IFT43: variants seen among roughly 807,000 people sequenced by gnomAD.
IFT43 encodes the protein intraflagellar transport protein 43 homolog.
Under a neutral mutation model 32.3 loss-of-function variants are expected in IFT43, and 33 were observed. The ratio of observed to expected loss-of-function variants is 1.02; its 90% CI spans 0.77 to 1.37. The LOEUF (loss-of-function observed/expected upper bound fraction) is 1.37. IFT43 is among the 40% of genes most tolerant of loss of function. The probability of loss-of-function intolerance (pLI) is 0.00; values close to 1 mark genes in which losing one functional copy is unlikely to be tolerated. For missense variants in IFT43, 274 were observed against 265.9 expected (o/e 1.03, Z -0.21); for synonymous variants, 93 against 98.2 (o/e 0.95, Z 0.31).
At chr14:76,054,501 G>A (rs943357294) in intron 3 of IFT43, among the ~76,000 whole-genome samples, 21 of 152,250 alleles carry the variant, frequency 1.4e-4, no homozygotes, top group African/African-American at 5.1e-4. Context: ...TGATTTGGGT[G>A]AAGCCCACAG....
chr14:76,023,465 A>G (rs1280290426), intron 3 of IFT43, among the ~76,000 whole-genome samples: 2 of 152,230 alleles, frequency 1.3e-5, no homozygotes, highest in African/African-American at 4.8e-5. Context: ...CCATTTCTGT[A>G]TCTCTACAAT....
At chr14:76,067,858 C>T (rs1022904763) in intron 5 of IFT43, among the ~76,000 whole-genome samples, 4 of 152,100 alleles carry the variant, frequency 2.6e-5, no homozygotes, top group South Asian at 2.1e-4. Flanking sequence ...TAAAATTTTT[C>T]GAATTCACGT....
intron 3 of IFT43, among the ~76,000 whole-genome samples, chr14:76,056,596 T>C (rs1372533738): frequency 6.6e-6 from 1 of 152,124 alleles, no homozygotes. Flanking sequence ...GAGACAAATA[T>C]GTCTCTTATG....
intron 3 of IFT43, among the ~76,000 whole-genome samples, chr14:76,055,919 G>A (rs2037004608): frequency 6.6e-6 from 1 of 152,134 alleles, no homozygotes; most frequent in South Asian, 2.1e-4. Flanking sequence ...GACTAGTTCT[G>A]GACCCCCAGT....
chr14:75,985,933 C>T, intron 1 of IFT43, 93 bp downstream of exon 1: 2 of 1,555,660 alleles, frequency 1.3e-6, no homozygotes, highest in Admixed American at 1.9e-5. Context: ...CGACTCAGGG[C>T]GGCAGGCCTC....
intron 5 of IFT43, among the ~76,000 whole-genome samples, chr14:76,071,637 C>T (rs140503286): frequency 2.6e-5 from 4 of 152,218 alleles, no homozygotes; most frequent in African/African-American, 4.8e-5. Flanking sequence ...TACAGGTACA[C>T]GATAGGCACA....
intron 3 of IFT43, among the ~76,000 whole-genome samples, chr14:76,042,037 C>T (rs933730167): frequency 6.6e-6 from 1 of 152,058 alleles, no homozygotes; most frequent in African/African-American, 2.4e-5. Context: ...CTGGCTTCCA[C>T]GAAAGTGCTG....
In IFT43 at chr14:76,082,306, A is replaced by G. The variant is rs2037525536; in HGVS notation, c.307A>G (p.Ile103Val). The stretch of plus-strand genomic sequence containing the variant: ...GCCTCTCCTTGCAGATATTCCTATC[A>G]TTCCGGATCTGGAGGAAGTACAGGA... ...GSDYGGDIPI[I>V]PDLEEVQEED... Residue 103 changes from isoleucine to valine, a missense_variant, in exon 6 of 9, where the codon ATT (isoleucine) becomes GTT (valine). Physicochemically the swap from Ile to Val is conservative, Grantham distance 29. Transcript: ENST00000314067. The G allele has an allele frequency of 1.2e-6, 2 of 1,614,086 alleles. No homozygotes were observed. Among genetic ancestry groups the G allele is most frequent in the Non-Finnish European group, 1.7e-6 (2 of 1,179,924 alleles).
intron 5 of IFT43, among the ~76,000 whole-genome samples, chr14:76,074,454 C>A (rs1199634922): frequency 6.6e-6 from 1 of 152,192 alleles, no homozygotes; most frequent in Non-Finnish European, 1.5e-5. Flanking sequence ...GGGCCATACT[C>A]CCTAAAGGTC....
At chr14:76,016,584 T>C (rs907050066) in intron 2 of IFT43, among the ~76,000 whole-genome samples, 17 of 152,184 alleles carry the variant, frequency 1.1e-4, no homozygotes. Context: ...TTTTTCTGTT[T>C]CTGTGAAGAA....
intron 2 of IFT43, among the ~76,000 whole-genome samples, chr14:75,992,123 A>C (rs575646942): frequency 6.6e-6 from 1 of 152,220 alleles, no homozygotes; most frequent in Admixed American, 6.5e-5. Flanking sequence ...GTTCAAACAC[A>C]TGGTTATTTT....
At position 76,083,519 on chromosome 14, in the gene IFT43, AGTGG is replaced by A; in HGVS notation, c.571_574del (p.Trp191ThrfsTer50). On this transcript the variant is annotated frameshift_variant, in exon 9 of 9. Coordinates refer to ENST00000314067, the MANE Select transcript of IFT43 (RefSeq NM_001102564.3). LOFTEE classifies it high-confidence loss of function. ...GAGGTGTCCTCAGAGGTCCTCACTG[AGTGG>A]GACCCACTGCAGACGGAGAAGGAGG... 1 of 1,614,034 alleles carries A rather than the reference AGTGG, an allele frequency of 6.2e-7. No homozygotes were observed. Among genetic ancestry groups the A allele is most frequent in the Non-Finnish European group, 8.5e-7 (1 of 1,179,934 alleles).
intron 3 of IFT43, among the ~76,000 whole-genome samples, chr14:76,044,819 C>T (rs146241451): frequency 2.2e-4 from 33 of 152,288 alleles, no homozygotes; most frequent in African/African-American, 7.7e-4. Flanking sequence ...CTTCTGCCTC[C>T]ACCACCCCTG....
At chr14:76,013,975 A>C (rs1476055619) in intron 2 of IFT43, 2 of 236,014 alleles carry the variant, frequency 8.5e-6, no homozygotes, top group African/African-American at 4.6e-5. Flanking sequence ...GAAGCCAGCA[A>C]CCAAAACTGA....
chr14:76,022,245 C>T, intron 2 of IFT43, 82 bp from the exon 3 acceptor site: 1 of 1,283,886 alleles, frequency 7.8e-7, no homozygotes, highest in Non-Finnish European at 1.1e-6. Context: ...AGTGAGATTT[C>T]ATCTCAAAAA....
At chr14:76,044,974 T>C (rs1483233038) in intron 3 of IFT43, among the ~76,000 whole-genome samples, 1 of 152,206 alleles carries the variant, frequency 6.6e-6, no homozygotes, top group Non-Finnish European at 1.5e-5. Context: ...GTACAAAATA[T>C]GTATTAATTG....
At chr14:76,042,838 T>C (rs2036732759) in intron 3 of IFT43, among the ~76,000 whole-genome samples, 1 of 152,244 alleles carries the variant, frequency 6.6e-6, no homozygotes, top group Admixed American at 6.5e-5. Context: ...GGGCCTGTGA[T>C]GCCATGGCAG....
chr14:76,059,914 A>T (rs143907188), intron 5 of IFT43, among the ~76,000 whole-genome samples: 2 of 152,236 alleles, frequency 1.3e-5, no homozygotes, highest in South Asian at 4.1e-4. Context: ...ATTTGAGTAC[A>T]GTTAGGATGT....
In IFT43 at chr14:75,985,823, T is replaced by C. The variant is rs1283736688; in HGVS notation, c.37T>C (p.Tyr13His). 3.7e-6 allele frequency: 6 copies of C among 1,614,030 alleles called. No individual in the cohort carries two copies. The highest frequency in any genetic ancestry group is 5.1e-6 in the Non-Finnish European group (6 of 1,180,026). Residue 13 changes from tyrosine (Y) to histidine (H), a missense_variant, in exon 1 of 9, where the codon TAC becomes CAC. Physicochemically the swap from Tyr to His is moderately conservative, Grantham distance 83 (BLOSUM62 2). Transcript: ENST00000314067. The part of the protein sequence containing the change: ...DLLDLDEELR[Y>H]SLATSRAKMG... ...GCTCGACTTGGACGAGGAGCTTCGC[T>C]ACAGCTTGGCTACCTCCGTGAGGAC... is the stretch of plus-strand genomic sequence containing the variant.
Sources: allele counts gnomAD v4.1 joint callset (sites outside exome capture counted in the v4.1 genomes callset), GRCh38; gene constraint gnomAD v4.1.1; transcripts MANE v1.5; gene names NCBI Gene and HGNC (gene_info 2026-07-23, HGNC 2026-07-21).